GJA3: variants seen among roughly 807,000 people sequenced by gnomAD.
GJA3 encodes gap junction alpha-3 protein.
For missense variants in GJA3, 571 were observed against 620.3 expected, an observed-to-expected ratio of 0.92 and a Z score of 0.84; for synonymous variants, 297 against 292.6, an observed-to-expected ratio of 1.02 and a Z score of -0.15.
chr13:20,157,469 T>G (rs1230422063), intron 1 of GJA3, among the ~76,000 whole-genome samples: 2 of 152,034 alleles, frequency 1.3e-5, no homozygotes, highest in African/African-American at 4.8e-5. Context: ...TTAGAAGTGG[T>G]CTAGTTTATG....
Position 20,142,497 on chromosome 13 carries a change from A to C in GJA3, c.792T>G (p.Val264=). Reference sequence around the variant, plus strand: ...CATAGTAGGGTGGGAACCCGATGGCAACGGCGGGCGGCCGGGAGCTGGGGG... The same window carrying C: ...CATAGTAGGGTGGGAACCCGATGGCCACGGCGGGCGGCCGGGAGCTGGGGG... ...PLPPSSRPPA[V]AIGFPPYYAH... is the part of the protein sequence containing the mutation. The change falls in exon 2 of 2, where the codon GTT becomes GTG. Residue 264 remains valine (V), a synonymous_variant. Coordinates refer to ENST00000241125, the MANE Select transcript of GJA3 (RefSeq NM_021954.4). The C allele has an allele frequency of 6.4e-7, 1 of 1,552,588 alleles. No individual in the cohort carries two copies. The highest frequency in any genetic ancestry group is 8.7e-7 in the Non-Finnish European group (1 of 1,149,336).
In GJA3 at chr13:20,139,682, C is replaced by T. The variant is rs1424188511; in HGVS notation, c.*2299G>A. 1 of 152,196 alleles carries T rather than the reference C, an allele frequency of 6.6e-6. No homozygotes were observed. Among genetic ancestry groups the T allele is most frequent in the African/African-American group, 2.4e-5 (1 of 41,444 alleles). The allele number at this position is 152,196 out of a possible 1,614,324, so 9.4% of individuals were successfully genotyped here. A position where few individuals can be genotyped will look rare whatever the true frequency, so the allele number is the denominator to read the frequency against. On this transcript the variant is annotated 3_prime_UTR_variant, in exon 2 of 2. Transcript: ENST00000241125. ...AAGTAGGTGAATCTAATTCTACACT[C>T]CTATCCACTCTAAATGGACCCACTA...
chr13:20,154,659 G>A (rs1447640051), intron 1 of GJA3, among the ~76,000 whole-genome samples: 1 of 152,052 alleles, frequency 6.6e-6, no homozygotes, highest in Non-Finnish European at 1.5e-5. Flanking sequence ...TTTTATCATT[G>A]AGCACGATGT....
In GJA3 at chr13:20,143,361, G is replaced by C. The variant is rs373929632; in HGVS notation, c.-17-56C>G. 3.9e-6 allele frequency: 5 copies of C among 1,269,058 alleles called. No individual in the cohort carries two copies. The African/African-American group carries it at 4.5e-5, about 11-fold the overall frequency. 78.6% of individuals were successfully genotyped at this position (1,269,058 alleles called of 1,614,324 possible). ...GCTGCAACGGCTGAGTGCCGGGTCC[G>C]CACCCATGGGCGGCGGCAGCGGCCT... is the stretch of plus-strand genomic sequence containing the variant. On this transcript the variant is annotated intron_variant, in intron 1 of 1. Coordinates refer to ENST00000241125, the MANE Select transcript of GJA3 (RefSeq NM_021954.4).
chr13:20,154,544 GTTAT>G (rs1276789579), intron 1 of GJA3, among the ~76,000 whole-genome samples: 1 of 152,076 alleles, frequency 6.6e-6, no homozygotes, highest in Admixed American at 6.5e-5. Context: ...TCTAATACCT[GTTAT>G]TTCTTTTTCT....
At chr13:20,144,858 C>G (rs1442623499) in intron 1 of GJA3, among the ~76,000 whole-genome samples, 1 of 152,230 alleles carries the variant, frequency 6.6e-6, no homozygotes, top group African/African-American at 2.4e-5. Flanking sequence ...TCCAGTGGAA[C>G]CAAAGAAAAC....
intron 1 of GJA3, among the ~76,000 whole-genome samples, chr13:20,146,568 C>A (rs1958844092): frequency 1.3e-5 from 2 of 152,212 alleles, no homozygotes; most frequent in African/African-American, 2.4e-5. Flanking sequence ...CAGCCAGACC[C>A]TTGCTTGTGC....
intron 1 of GJA3, among the ~76,000 whole-genome samples, chr13:20,158,035 A>C (rs967600596): frequency 6.6e-5 from 10 of 151,818 alleles, no homozygotes; most frequent in African/African-American, 2.2e-4. Context: ...ACTGTATCTC[A>C]CTATATTGCC....
chr13:20,155,151 G>A (rs1315832824), intron 1 of GJA3, among the ~76,000 whole-genome samples: 3 of 152,124 alleles, frequency 2.0e-5, no homozygotes, highest in Admixed American at 2.0e-4. Context: ...GAGCCACCAC[G>A]CCTATCAATG....
In GJA3 at chr13:20,143,208, G is replaced by C. The variant is rs779539062; in HGVS notation, c.81C>G (p.Thr27=). ...CCAAGATGCGGAAGATGAACAGCACGGTCAGCCAAACCTTGCCGATGACCG... is the reference window on the plus strand; with the variant it reads ...CCAAGATGCGGAAGATGAACAGCACCGTCAGCCAAACCTTGCCGATGACCG... ...HSTVIGKVWL[T]VLFIFRILVL... is the part of the protein sequence containing the mutation. The change falls in exon 2 of 2, where the codon ACC becomes ACG. Residue 27 remains threonine (T), a synonymous_variant. Coordinates refer to ENST00000241125, the MANE Select transcript of GJA3 (RefSeq NM_021954.4). 9 of 1,581,490 alleles carry C rather than the reference G, an allele frequency of 5.7e-6. No individual in the cohort carries two copies. Among genetic ancestry groups the C allele is most frequent in the Non-Finnish European group, 6.9e-6 (8 of 1,161,778 alleles).
chr13:20,153,048 C>T (rs1009298813), intron 1 of GJA3, among the ~76,000 whole-genome samples: 1 of 152,188 alleles, frequency 6.6e-6, no homozygotes, highest in African/African-American at 2.4e-5. Flanking sequence ...CCATTAGCCT[C>T]TTTCATTCCT....
intron 1 of GJA3, among the ~76,000 whole-genome samples, chr13:20,158,912 C>CAAAAAAAAAAAAAAAAAACAAA (rs1958920686): frequency 1.8e-5 from 1 of 54,980 alleles, no homozygotes; most frequent in Non-Finnish European, 3.1e-5. Context: ...GCAAAACTCT[C>CAAAAAAAAAAAAAAAAAACAAA]AAAAAAAAAA....
At chr13:20,156,566 C>T (rs1958908199) in intron 1 of GJA3, among the ~76,000 whole-genome samples, 1 of 152,174 alleles carries the variant, frequency 6.6e-6, no homozygotes, top group East Asian at 1.9e-4. Flanking sequence ...TGCACCCTGG[C>T]CTCCCAAAGT....
intron 1 of GJA3, among the ~76,000 whole-genome samples, chr13:20,144,978 C>T (rs1027161289): frequency 6.6e-6 from 1 of 152,164 alleles, no homozygotes; most frequent in Admixed American, 6.5e-5. Context: ...GTCAGGAGTT[C>T]AAGAATAGCC....
At chr13:20,148,376 C>G (rs1420923348) in intron 1 of GJA3, among the ~76,000 whole-genome samples, 1 of 151,394 alleles carries the variant, frequency 6.6e-6, no homozygotes, top group Non-Finnish European at 1.5e-5. Context: ...TCTCCCACCT[C>G]AGCCTACCAA....
At chr13:20,161,393 C>A (rs1384917887), upstream of GJA3, among the ~76,000 whole-genome samples, 1 of 152,000 alleles carries the variant, frequency 6.6e-6, no homozygotes, top group Non-Finnish European at 1.5e-5. Flanking sequence ...GCTTGCGGGG[C>A]GCCCACCGCA....
intron 1 of GJA3, among the ~76,000 whole-genome samples, chr13:20,147,896 T>C (rs1958852641): frequency 6.8e-6 from 1 of 147,530 alleles, no homozygotes; most frequent in African/African-American, 2.5e-5. Context: ...GAGTTTAGAG[T>C]GGATTCCATC....
intron 1 of GJA3, among the ~76,000 whole-genome samples, chr13:20,148,982 T>C (rs1482252288): frequency 6.6e-6 from 1 of 152,250 alleles, no homozygotes; most frequent in East Asian, 1.9e-4. Flanking sequence ...AAAACCTTGA[T>C]TCTTAGTCGT....
intron 1 of GJA3, among the ~76,000 whole-genome samples, chr13:20,156,083 G>C (rs1281550190): frequency 2.0e-5 from 3 of 152,090 alleles, no homozygotes; most frequent in Non-Finnish European, 4.4e-5. Context: ...AGAATGTATG[G>C]AAAGCATGTA....
Sources: gnomAD v4.1 joint callset for allele counts (sites outside exome capture counted in the v4.1 genomes callset) on GRCh38, gnomAD v4.1.1 for gene constraint, MANE v1.5 for transcripts, NCBI Gene and HGNC (gene_info 2026-07-23, HGNC 2026-07-21) for gene names.